PIK3R5: variants seen among roughly 807,000 people sequenced by gnomAD.
The protein encoded by PIK3R5 is phosphoinositide-3-kinase regulatory subunit 5.
A neutral mutation model predicts 94.9 loss-of-function variants in PIK3R5; 32 were observed. The observed-to-expected ratio is 0.34, with a 90% CI of 0.25 to 0.45. The LOEUF is 0.45. Among genes scored for constraint, PIK3R5 ranks in the 20% least tolerant of loss-of-function variants. The pLI is 1.00. For missense variants in PIK3R5, 853 were observed against 1,144.6 expected, an observed-to-expected ratio of 0.75 and a Z score of 3.68; for synonymous variants, 443 against 479.4, an observed-to-expected ratio of 0.92 and a Z score of 0.99.
chr17:8,948,412 C>T (rs562595928), intron 1 of PIK3R5, among the ~76,000 whole-genome samples: 17 of 152,162 alleles, frequency 1.1e-4, no homozygotes, highest in African/African-American at 3.6e-4. Context: ...TCACAGAGCT[C>T]GTGGCCAGGA....
chr17:8,943,522 C>A (rs538127101), intron 1 of PIK3R5, among the ~76,000 whole-genome samples: 1 of 152,218 alleles, frequency 6.6e-6, no homozygotes, highest in Admixed American at 6.5e-5. Context: ...CCTGTAATCC[C>A]AGCACTTTGG....
chr17:8,940,155 C>T (rs2091149071), intron 1 of PIK3R5, among the ~76,000 whole-genome samples: 2 of 152,172 alleles, frequency 1.3e-5, no homozygotes, highest in South Asian at 4.1e-4. Context: ...TCAGAGCCTC[C>T]TGCATTGATG....
intron 1 of PIK3R5, among the ~76,000 whole-genome samples, chr17:8,939,183 T>C (rs1429392866): frequency 6.6e-6 from 1 of 152,186 alleles, no homozygotes; most frequent in East Asian, 1.9e-4. Flanking sequence ...TTTCTCAGGA[T>C]CTGCAGCAAG....
At position 8,888,420 on chromosome 17, in the gene PIK3R5, G is replaced by A; in HGVS notation, c.1367C>T (p.Ala456Val). The A allele has an allele frequency of 1.3e-6, 2 of 1,571,972 alleles. No homozygotes were observed. Among genetic ancestry groups the A allele is most frequent in the Non-Finnish European group, 8.6e-7 (1 of 1,163,500 alleles). Reference protein sequence around the residue: ...SSDTALPLRRAGSLCSPLDEP... With the variant: ...SSDTALPLRRVGSLCSPLDEP... ...GTCCAGGGGGCTGCAGAGGCTCCCT[G>A]CCCGCCTCAGGGGCAGGGCCGTGTC... is the stretch of plus-strand genomic sequence containing the variant. The change falls in exon 10 of 19, where the codon GCA (alanine) becomes GTA (valine). Residue 456 changes from alanine (A) to valine (V), a missense_variant. This residue lies in a region of PIK3R5 where 319 missense variants were observed against 339.8 expected (regional missense o/e 0.94). Coordinates refer to ENST00000447110, the MANE Select transcript of PIK3R5 (RefSeq NM_001142633.3). This position sits in a 1 kb window ranked among gnomAD's most constrained non-coding sequence, Gnocchi z 7.8.
chr17:8,961,737 G>A (rs1190979354), intron 1 of PIK3R5, among the ~76,000 whole-genome samples: 3 of 152,198 alleles, frequency 2.0e-5, no homozygotes, highest in African/African-American at 7.2e-5. Context: ...GGAAGCAGGA[G>A]TCTCCTGTGG....
chr17:8,891,345 TG>T (rs1233610671), intron 6 of PIK3R5, among the ~76,000 whole-genome samples: 6 of 152,090 alleles, frequency 3.9e-5, no homozygotes, highest in Admixed American at 2.0e-4. Context: ...CAGTGTGGTC[TG>T]GGGCGAGCGG....
Position 8,911,254 on chromosome 17 carries a change from GA to G in PIK3R5, c.103+137del. The G allele has an allele frequency of 3.0e-6, 2 of 659,442 alleles. No individual in the cohort carries two copies. Among genetic ancestry groups the G allele is most frequent in the Non-Finnish European group, 5.3e-6 (2 of 376,160 alleles). The allele number at this position is 659,442 out of a possible 1,614,324, so 40.8% of individuals were successfully genotyped here. Reference sequence around the variant, plus strand: ...TGCTGCGCCAGGCACCTGCCCAGGAGAAGGCTGAGGCTTGCCCAAGTCACAC... The same window carrying G: ...TGCTGCGCCAGGCACCTGCCCAGGAGAGGCTGAGGCTTGCCCAAGTCACAC... On this transcript the variant is annotated intron_variant, in intron 2 of 18. Transcript: ENST00000447110. The surrounding 1 kb of genome is among the most constrained non-coding windows in gnomAD (Gnocchi z 5.3).
chr17:8,937,180 A>T (rs1187583401), intron 1 of PIK3R5, among the ~76,000 whole-genome samples: 1 of 152,228 alleles, frequency 6.6e-6, no homozygotes, highest in Non-Finnish European at 1.5e-5. Flanking sequence ...GATTTTATAC[A>T]TAGACAATCA....
At chr17:8,891,910 G>A (rs912026003) in intron 6 of PIK3R5, among the ~76,000 whole-genome samples, 1 of 151,992 alleles carries the variant, frequency 6.6e-6, no homozygotes, top group Non-Finnish European at 1.5e-5. Context: ...GGCTACTATG[G>A]AAACTTTCAA....
intron 2 of PIK3R5, among the ~76,000 whole-genome samples, chr17:8,910,576 G>T (rs1022971632): frequency 8.5e-5 from 13 of 152,152 alleles, no homozygotes; most frequent in African/African-American, 3.1e-4. Flanking sequence ...GGGAGGATAA[G>T]TGGCCTGCGC....
chr17:8,902,846 A>ATTTTTTTTTTTTTTTT (rs35776068), intron 5 of PIK3R5, among the ~76,000 whole-genome samples: 5 of 140,166 alleles, frequency 3.6e-5, no homozygotes, highest in African/African-American at 1.3e-4. Context: ...TTTAGATAGA[A>ATTTTTTTTTTTTTTTT]TTTTTTTTTT....
At chr17:8,954,987 G>A (rs944087852) in intron 1 of PIK3R5, among the ~76,000 whole-genome samples, 2 of 151,842 alleles carry the variant, frequency 1.3e-5, no homozygotes, top group East Asian at 3.9e-4. Context: ...CTCAGCACCT[G>A]GAGTTTGCAT....
chr17:8,908,404 T>A lies in PIK3R5; in HGVS notation c.204+670A>T, dbSNP rs911818353. 1.3e-5 allele frequency among the ~76,000 whole-genome samples: 2 copies of A among 152,100 alleles called. 1 individual carries two copies. The highest frequency in any genetic ancestry group is 3.8e-4 in the East Asian group (2 of 5,204). ...CTCTTCTGAGCTGGTTGGCTTATGA[T>A]GAAGGAAAAAACTACCAGGTAAATA... On this transcript the variant is annotated intron_variant, in intron 3 of 18. Coordinates refer to ENST00000447110, the MANE Select transcript of PIK3R5 (RefSeq NM_001142633.3).
chr17:8,897,722 A>C (rs1757450881), intron 5 of PIK3R5, among the ~76,000 whole-genome samples: 1 of 152,130 alleles, frequency 6.6e-6, no homozygotes, highest in Non-Finnish European at 1.5e-5. Context: ...TGTTAGGTGC[A>C]ACCCCCCTCA....
chr17:8,897,073 T>C (rs1799581536), intron 5 of PIK3R5, among the ~76,000 whole-genome samples: 2 of 152,286 alleles, frequency 1.3e-5, no homozygotes, highest in South Asian at 4.1e-4. Context: ...GGGGGTCCCA[T>C]GTATAGCGCC....
intron 1 of PIK3R5, among the ~76,000 whole-genome samples, chr17:8,939,218 C>G (rs1236848390): frequency 6.6e-6 from 1 of 152,160 alleles, no homozygotes; most frequent in East Asian, 1.9e-4. Flanking sequence ...CTAACTCAGG[C>G]CTGCCGAACA....
At chr17:8,885,220 A>T in intron 14 of PIK3R5, 1 of 167,306 alleles carries the variant, frequency 6.0e-6, no homozygotes, top group South Asian at 7.4e-5. Context: ...CTCCCATGTA[A>T]CCCCCCTTCC....
chr17:8,961,680 C>G (rs925010576), intron 1 of PIK3R5, among the ~76,000 whole-genome samples: 1 of 152,122 alleles, frequency 6.6e-6, no homozygotes. Context: ...GTGACTCACG[C>G]AGATGTGTAA....
At position 8,881,735 on chromosome 17, in the gene PIK3R5, C is replaced by T; in HGVS notation, c.2300-23G>A. ...AATCTGAGGGGCAAGGACACTCAGG[C>T]CAGGCTCAGAGCACCTCCCTACTGC... On this transcript the variant is annotated intron_variant, in intron 16 of 18. Transcript: ENST00000447110. The surrounding 1 kb of genome is among the most constrained non-coding windows in gnomAD (Gnocchi z 4.8). The T allele has an allele frequency of 6.2e-7, 1 of 1,613,166 alleles. No individual in the cohort carries two copies. Among genetic ancestry groups the T allele is most frequent in the Non-Finnish European group, 8.5e-7 (1 of 1,179,230 alleles).
Sources: gnomAD v4.1 joint callset for allele counts (sites outside exome capture counted in the v4.1 genomes callset) on GRCh38, gnomAD v4.1.1 for gene constraint, gnomAD v4.1.1 regional missense constraint, Gnocchi (gnomAD v3.1) non-coding constraint, MANE v1.5 for transcripts, NCBI Gene and HGNC (gene_info 2026-07-23, HGNC 2026-07-21) for gene names.